The following CDH10 variants were observed in gnomAD, a reference collection of about 807,000 sequenced individuals.
The protein encoded by CDH10 is cadherin-10.
A neutral mutation model predicts 73.1 loss-of-function variants in CDH10; 30 were observed. The ratio of observed to expected loss-of-function variants is 0.41; its 90% CI spans 0.31 to 0.56. CDH10 has a LOEUF of 0.56. CDH10 is among the 20% of genes least tolerant of loss of function. The pLI is 0.27. For synonymous variants in CDH10, 345 were observed against 348.2 expected (o/e 0.99, Z 0.10); for missense variants, 815 against 973.7 (o/e 0.84, Z 2.17).
intron 2 of CDH10, among the ~76,000 whole-genome samples, chr5:24,540,957 G>C (rs1331404950): frequency 1.3e-5 from 2 of 151,840 alleles, no homozygotes; most frequent in Admixed American, 6.6e-5. Context: ...TGTGATCCTG[G>C]CATGTAAAAA....
intron 2 of CDH10, among the ~76,000 whole-genome samples, chr5:24,556,973 AT>A (rs1272699117): frequency 6.6e-6 from 1 of 151,598 alleles, no homozygotes; most frequent in African/African-American, 2.4e-5. Context: ...TTTTTTTCAT[AT>A]TTTTCTTTAA....
At chr5:24,598,960 G>T (rs1013619436) in intron 1 of CDH10, among the ~76,000 whole-genome samples, 1 of 152,064 alleles carries the variant, frequency 6.6e-6, no homozygotes, top group Non-Finnish European at 1.5e-5. Context: ...GGGATAAAGA[G>T]GATTGTTGAA....
At chr5:24,608,010 G>A (rs76405842) in intron 1 of CDH10, among the ~76,000 whole-genome samples, 2,597 of 152,062 alleles carry the variant, frequency 0.017, 37 homozygotes, top group Non-Finnish European at 0.025. Context: ...CTCATTCTTT[G>A]CTACTGAAAT....
intron 3 of CDH10, among the ~76,000 whole-genome samples, chr5:24,536,029 T>C (rs1053252485): frequency 2.6e-5 from 4 of 152,124 alleles, no homozygotes; most frequent in Non-Finnish European, 5.9e-5. Context: ...TTAGTCAACA[T>C]GTCTATTTTT....
chr5:24,589,218 G>A (rs1746122930), intron 2 of CDH10, among the ~76,000 whole-genome samples: 1 of 152,134 alleles, frequency 6.6e-6, no homozygotes, highest in Admixed American at 6.5e-5. Context: ...TATAGAGAAG[G>A]ATGACCACGA....
At chr5:24,540,290 A>C (rs1279727833) in intron 2 of CDH10, among the ~76,000 whole-genome samples, 1 of 151,952 alleles carries the variant, frequency 6.6e-6, no homozygotes. Flanking sequence ...AATATAGAAT[A>C]TAGATTTGGA....
intron 5 of CDH10, among the ~76,000 whole-genome samples, chr5:24,520,723 C>CT (rs1265591020): frequency 8.6e-5 from 13 of 150,456 alleles, no homozygotes; most frequent in Admixed American, 7.9e-4. Context: ...ACACAAATCA[C>CT]TTTTTTTTTG....
At chr5:24,554,281 T>C (rs182696808) in intron 2 of CDH10, 3 of 152,190 alleles carry the variant, frequency 2.0e-5, no homozygotes, top group East Asian at 1.9e-4. Flanking sequence ...GTTGTTGTGC[T>C]ACATTATTAA....
At chr5:24,615,573 A>G (rs1345520141) in intron 1 of CDH10, among the ~76,000 whole-genome samples, 1 of 152,190 alleles carries the variant, frequency 6.6e-6, no homozygotes, top group African/African-American at 2.4e-5. Context: ...GAATGACTTC[A>G]ATTCTTTCTA....
Position 24,587,607 on chromosome 5 carries a change from T to C in CDH10, c.231+5653A>G, listed in dbSNP as rs1746066942. Among the ~76,000 whole-genome samples, 4 of 152,186 alleles carry C rather than the reference T, an allele frequency of 2.6e-5. No individual in the cohort carries two copies. In the South Asian group the frequency reaches 6.2e-4, roughly 24 times the overall value. Reference sequence around the variant, plus strand: ...TATGTGAGATTTAATACAGTTTTCATTTACCAAGATTTCTCTTGAGCTTTT... The same window carrying C: ...TATGTGAGATTTAATACAGTTTTCACTTACCAAGATTTCTCTTGAGCTTTT... On this transcript the variant is annotated intron_variant, in intron 2 of 11. Coordinates refer to ENST00000264463, the MANE Select transcript of CDH10 (RefSeq NM_006727.5).
intron 1 of CDH10, among the ~76,000 whole-genome samples, chr5:24,639,863 A>T (rs1747988154): frequency 6.6e-6 from 1 of 151,792 alleles, no homozygotes; most frequent in Non-Finnish European, 1.5e-5. Flanking sequence ...GAGCATAATA[A>T]TTCATGTCTG....
chr5:24,640,747 T>G (rs1436563424), intron 1 of CDH10, among the ~76,000 whole-genome samples: 3 of 151,916 alleles, frequency 2.0e-5, no homozygotes, highest in Non-Finnish European at 2.9e-5. Context: ...GTATTCCTTC[T>G]TATTTAATTT....
At chr5:24,502,051 T>C (rs1579725064) in intron 8 of CDH10, among the ~76,000 whole-genome samples, 1 of 37,148 alleles carries the variant, frequency 2.7e-5, no homozygotes. Context: ...CCCGGTAAGC[T>C]TGGGACTACA....
intron 2 of CDH10, among the ~76,000 whole-genome samples, chr5:24,569,397 AT>A (rs1010402891): frequency 2.0e-5 from 3 of 152,092 alleles, no homozygotes; most frequent in Non-Finnish European, 4.4e-5. Flanking sequence ...GGTTGTGTAT[AT>A]TTTTTACAAT....
intron 2 of CDH10, among the ~76,000 whole-genome samples, chr5:24,555,786 GA>G (rs200278105): frequency 0.02 from 2,966 of 152,008 alleles, 101 homozygotes; most frequent in African/African-American, 0.068. Context: ...CTCTAGAAGT[GA>G]AAAAAAGTGA....
At chr5:24,493,765 C>T (rs1186003700) in intron 9 of CDH10, among the ~76,000 whole-genome samples, 1 of 151,816 alleles carries the variant, frequency 6.6e-6, no homozygotes, top group Non-Finnish European at 1.5e-5. Flanking sequence ...AATATGTACA[C>T]TGATGCCTAC....
At chr5:24,595,471 AAT>A (rs1483934209) in intron 1 of CDH10, among the ~76,000 whole-genome samples, 1 of 152,022 alleles carries the variant, frequency 6.6e-6, no homozygotes, top group African/African-American at 2.4e-5. Flanking sequence ...ATTGTATTTC[AAT>A]ATGTCATGTA....
At chr5:24,627,352 C>T (rs1747544756) in intron 1 of CDH10, among the ~76,000 whole-genome samples, 1 of 151,938 alleles carries the variant, frequency 6.6e-6, no homozygotes, top group South Asian at 2.1e-4. Flanking sequence ...TTAAATCCTA[C>T]TTAATTTTAG....
intron 2 of CDH10, among the ~76,000 whole-genome samples, chr5:24,577,684 A>G (rs970868738): frequency 6.6e-6 from 1 of 152,182 alleles, no homozygotes; most frequent in African/African-American, 2.4e-5. Flanking sequence ...GATTTCTTCC[A>G]ACTCCTAAAT....
Sources: allele counts gnomAD v4.1 joint callset (sites outside exome capture counted in the v4.1 genomes callset), GRCh38; gene constraint gnomAD v4.1.1; transcripts MANE v1.5; gene names NCBI Gene and HGNC (gene_info 2026-07-23, HGNC 2026-07-21).